Variants in TSGA10IP observed in about 807,000 individuals in gnomAD.
TSGA10IP encodes the protein testis specific 10 interacting protein.
In TSGA10IP, 64 loss-of-function variants were observed where a neutral mutation model predicts 63.2. The observed-to-expected ratio is 1.01, with a 90% CI of 0.83 to 1.25. TSGA10IP has a LOEUF of 1.25. Ranked by LOEUF, TSGA10IP falls within the 50% of genes most tolerant of loss-of-function variation. The probability of loss-of-function intolerance (pLI) is 0.00; values close to 1 mark genes in which losing one functional copy is unlikely to be tolerated. For synonymous variants in TSGA10IP, 316 were observed against 298.3 expected, an observed-to-expected ratio of 1.06 and a Z score of -0.61; for missense variants, 681 against 710.1, an observed-to-expected ratio of 0.96 and a Z score of 0.47.
Position 65,945,804 on chromosome 11 carries a change from C to T in TSGA10IP, c.129C>T (p.Thr43=), listed in dbSNP as rs781318471. Residue 43 remains threonine (T), a synonymous_variant, in exon 1 of 8, where the codon ACC becomes ACT. Coordinates refer to ENST00000532620, the Ensembl canonical transcript of TSGA10IP. ...CGGGGCTGCTCAAGCTGCTGTCGAC[C>T]GTCTCTCAGGACAAGCAGGTGAGGG... 10 of 1,613,714 alleles carry T rather than the reference C, an allele frequency of 6.2e-6. No homozygotes were observed. In the East Asian group the frequency reaches 6.7e-5, roughly 11 times the overall value.
chr11:65,946,414 T>C (rs1591111405), intron 1 of TSGA10IP, among the ~76,000 whole-genome samples: 1 of 151,842 alleles, frequency 6.6e-6, no homozygotes, highest in Non-Finnish European at 1.5e-5. Flanking sequence ...ACGGAGGTGG[T>C]GCTCGGTCGG....
chr11:65,948,304 C>G (rs1448464939), intron 4 of TSGA10IP, among the ~76,000 whole-genome samples, 156 bp downstream of exon 4: 1 of 151,970 alleles, frequency 6.6e-6, no homozygotes, highest in African/African-American at 2.4e-5. Context: ...ATCCATCCAT[C>G]CATCCATCCA....
exon 2 of TSGA10IP, chr11:65,946,984 C>T: frequency 6.2e-7 from 1 of 1,613,952 alleles, no homozygotes; most frequent in Non-Finnish European, 8.5e-7. Flanking sequence ...GGGGCCAGAG[C>T]AAGAAAGGAC....
intron 5 of TSGA10IP, among the ~76,000 whole-genome samples, chr11:65,954,118 G>A (rs931813656): frequency 1.3e-5 from 2 of 152,060 alleles, no homozygotes; most frequent in African/African-American, 4.8e-5. Flanking sequence ...ATTGTTCACA[G>A]TCAGCTGAAG....
At chr11:65,956,215 G>A (rs952195960) in intron 5 of TSGA10IP, among the ~76,000 whole-genome samples, 7 of 147,924 alleles carry the variant, frequency 4.7e-5, no homozygotes, top group Non-Finnish European at 8.9e-5. Flanking sequence ...TCGGCTCACC[G>A]CAACCTCTGC....
chr11:65,953,631 G>A lies in TSGA10IP; in HGVS notation c.1216G>A (p.Ala406Thr). The change falls in exon 5 of 8, where the codon GCC becomes ACC. Residue 406 changes from alanine to threonine, a missense_variant. Coordinates refer to ENST00000532620, the Ensembl canonical transcript of TSGA10IP. ...GCGGCAGCAGGCCGAGCTGCGGCGG[G>A]CCCGGACACAGCATGTACAGCGGCA... 1.3e-6 allele frequency: 2 copies of A among 1,590,140 alleles called. No homozygotes were observed. Among genetic ancestry groups the A allele is most frequent in the Admixed American group, 1.7e-5 (1 of 58,498 alleles).
chr11:65,953,584 G>A lies in TSGA10IP; in HGVS notation c.1169G>A (p.Trp390Ter). Residue 390 changes from tryptophan (W) to a stop codon, truncating the protein, a stop_gained, in exon 5 of 8, where the codon TGG becomes TAG. Transcript: ENST00000532620. LOFTEE classifies it high-confidence loss of function. ...CACCCAAGGAGCCTGCTGCAGGCCTGGGAGCGGCAGCGGCAGGAGGAGCGG... is the reference window on the plus strand; with the variant it reads ...CACCCAAGGAGCCTGCTGCAGGCCTAGGAGCGGCAGCGGCAGGAGGAGCGG... 3 of 1,590,894 alleles carry A rather than the reference G, an allele frequency of 1.9e-6. No individual in the cohort carries two copies. The highest frequency in any genetic ancestry group is 2.6e-6 in the Non-Finnish European group (3 of 1,169,714).
At chr11:65,945,887 C>G (rs1854822488) in intron 1 of TSGA10IP, 65 bp downstream of exon 1, 23 of 1,563,942 alleles carry the variant, frequency 1.5e-5, no homozygotes, top group Non-Finnish European at 1.9e-5. Flanking sequence ...GAGGCCTGGG[C>G]TGGGGAGGCC....
exon 3 of TSGA10IP, chr11:65,947,268 G>T (rs775763229): frequency 1.9e-6 from 3 of 1,611,422 alleles, no homozygotes; most frequent in African/African-American, 2.7e-5. Flanking sequence ...CAGTCCAGGC[G>T]CAAGTCCACG....
chr11:65,945,797 T>A (rs367897942), exon 1 of TSGA10IP: 12 of 1,613,946 alleles, frequency 7.4e-6, no homozygotes, highest in Non-Finnish European at 1.0e-5. Flanking sequence ...CTCAAGCTGC[T>A]GTCGACCGTC....
chr11:65,958,452 GC>G (rs1374299794), intron 5 of TSGA10IP, among the ~76,000 whole-genome samples: 3 of 152,102 alleles, frequency 2.0e-5, no homozygotes, highest in Non-Finnish European at 4.4e-5. Flanking sequence ...AGAGCCAAGA[GC>G]CCAGAGAGAG....
chr11:65,947,551 G>C, exon 3 of TSGA10IP: 7 of 1,613,840 alleles, frequency 4.3e-6, no homozygotes, highest in Non-Finnish European at 5.9e-6. Context: ...GGAGGGGGTC[G>C]ATCTCAGAGG....
chr11:65,953,812 C>G, intron 5 of TSGA10IP, 75 bp downstream of exon 5: 1 of 1,252,438 alleles, frequency 8.0e-7, no homozygotes, highest in South Asian at 1.8e-5. Flanking sequence ...TCTACAGGAC[C>G]GAGGAGCACC....
intron 4 of TSGA10IP, among the ~76,000 whole-genome samples, chr11:65,948,353 C>T (rs1178738215): frequency 1.3e-5 from 2 of 152,146 alleles, no homozygotes; most frequent in Admixed American, 6.6e-5. Flanking sequence ...CTGATAACAT[C>T]CACTCAACCA....
At chr11:65,948,577 G>A (rs998839370) in intron 4 of TSGA10IP, among the ~76,000 whole-genome samples, 1 of 152,202 alleles carries the variant, frequency 6.6e-6, no homozygotes, top group Non-Finnish European at 1.5e-5. Flanking sequence ...TCAGGAGGCT[G>A]AGGTAGGAGG....
At chr11:65,959,111 G>A (rs1190978343) in intron 6 of TSGA10IP, 79 bp from the exon 7 acceptor site, 2 of 1,570,608 alleles carry the variant, frequency 1.3e-6, no homozygotes, top group Admixed American at 3.7e-5. Context: ...GAATCCCTGG[G>A]ACCCCCTCAG....
intron 5 of TSGA10IP, among the ~76,000 whole-genome samples, chr11:65,958,257 T>C (rs61515492): frequency 0.074 from 11,244 of 152,288 alleles, 809 homozygotes; most frequent in African/African-American, 0.18. Flanking sequence ...ATTGGGTTTT[T>C]ATAAATGAAA....
intron 4 of TSGA10IP, among the ~76,000 whole-genome samples, chr11:65,949,286 G>A (rs1462373567): frequency 6.6e-6 from 1 of 152,190 alleles, no homozygotes; most frequent in East Asian, 1.9e-4. Context: ...GAGGAACCAA[G>A]AGGCCCTGTG....
In TSGA10IP at chr11:65,953,506, G is replaced by A. The variant is rs1368408215; in HGVS notation, c.1152-61G>A. 2.7e-6 allele frequency: 4 copies of A among 1,485,094 alleles called. No homozygotes were observed. In the East Asian group the frequency reaches 1.0e-4, roughly 37 times the overall value. 92.0% of individuals were successfully genotyped at this position (1,485,094 alleles called of 1,614,324 possible). A position where few individuals can be genotyped will look rare whatever the true frequency, so the allele number is the denominator to read the frequency against. On this transcript the variant is annotated intron_variant, in intron 4 of 7. Coordinates refer to ENST00000532620, the Ensembl canonical transcript of TSGA10IP. ...TCCATATTCCCTTATCCAGCCCCTG[G>A]CCCTCCGTGAGGCTCCTGCTGCCCG...
Sources: allele counts gnomAD v4.1 joint callset (sites outside exome capture counted in the v4.1 genomes callset), GRCh38; gene constraint gnomAD v4.1.1; transcripts MANE v1.5; gene names NCBI Gene and HGNC (gene_info 2026-07-23, HGNC 2026-07-21).